Variants in PTPRD observed in about 807,000 individuals in gnomAD.
PTPRD encodes protein tyrosine phosphatase receptor type D.
Under a neutral mutation model 214.5 loss-of-function variants are expected in PTPRD, and 34 were observed. The observed-to-expected ratio is 0.16, with a 90% confidence interval of 0.12 to 0.21. The LOEUF is 0.21. Among genes scored for constraint, PTPRD ranks in the 10% least tolerant of loss-of-function variants. The probability of loss-of-function intolerance (pLI) is 1.00; values close to 1 mark genes in which losing one functional copy is unlikely to be tolerated. For synonymous variants in PTPRD, 1,128 were observed against 845.7 expected (o/e 1.33, Z -5.79); for missense variants, 2,545 against 2,398.7 (o/e 1.06, Z -1.27).
At chr9:9,845,003 A>G (rs1432723828) in intron 5 of PTPRD, among the ~76,000 whole-genome samples, 1 of 148,030 alleles carries the variant, frequency 6.8e-6, no homozygotes, top group Non-Finnish European at 1.5e-5. Context: ...TTAATAAACC[A>G]CTGAAATACT....
At chr9:9,114,440 T>C (rs1328097259) in intron 10 of PTPRD, among the ~76,000 whole-genome samples, 1 of 152,128 alleles carries the variant, frequency 6.6e-6, no homozygotes, top group East Asian at 1.9e-4. Flanking sequence ...CTCAGTGGGA[T>C]CATTTGGTCC....
At chr9:8,407,410 T>A (rs767376506) in intron 35 of PTPRD, among the ~76,000 whole-genome samples, 7 of 152,196 alleles carry the variant, frequency 4.6e-5, no homozygotes, top group Non-Finnish European at 7.3e-5. Flanking sequence ...TACTTGGTAC[T>A]TAAGTAATTT....
chr9:8,820,856 GT>G (rs1291421865), intron 11 of PTPRD, among the ~76,000 whole-genome samples: 1 of 148,248 alleles, frequency 6.7e-6, no homozygotes, highest in Non-Finnish European at 1.5e-5. Context: ...AATGGTGAAA[GT>G]TCTTTTCTAC....
intron 9 of PTPRD, among the ~76,000 whole-genome samples, chr9:9,195,965 C>T (rs2099938350): frequency 1.3e-5 from 2 of 152,058 alleles, no homozygotes; most frequent in Non-Finnish European, 2.9e-5. Flanking sequence ...CTCTTCTTCT[C>T]TTACCTAAAT....
In PTPRD at chr9:10,077,723, A is replaced by C. The variant is rs1480598477; in HGVS notation, c.-544-43933T>G. Reference sequence around the variant, plus strand: ...CATATGTACTCAATATTTAGCTCCCACTTAATAAGTAAGAACCTTTGGTAT... The same window carrying C: ...CATATGTACTCAATATTTAGCTCCCCCTTAATAAGTAAGAACCTTTGGTAT... On this transcript the variant is annotated intron_variant, in intron 3 of 45. Coordinates refer to ENST00000381196, the MANE Select transcript of PTPRD (RefSeq NM_002839.4). Among the ~76,000 whole-genome samples the C allele has an allele frequency of 3.9e-5, 6 of 151,934 alleles. 1 individual carries two copies. The South Asian group carries it at 1.2e-3, about 32-fold the overall frequency.
chr9:8,671,881 T>C (rs1390912571), intron 12 of PTPRD, among the ~76,000 whole-genome samples: 1 of 152,124 alleles, frequency 6.6e-6, no homozygotes, highest in African/African-American at 2.4e-5. Context: ...GAAAACTCTC[T>C]TGGACAATTT....
chr9:9,677,163 T>G (rs900524894), intron 7 of PTPRD, among the ~76,000 whole-genome samples: 3 of 152,180 alleles, frequency 2.0e-5, no homozygotes, highest in African/African-American at 7.2e-5. Flanking sequence ...TGGCTTTTGT[T>G]GCCATTGCTT....
intron 3 of PTPRD, among the ~76,000 whole-genome samples, chr9:10,277,025 T>A (rs2094733721): frequency 6.6e-6 from 1 of 151,720 alleles, no homozygotes; most frequent in Non-Finnish European, 1.5e-5. Flanking sequence ...AGAAGGAGAG[T>A]GAGAGAAAGG....
At chr9:9,411,459 G>C (rs181737641) in intron 8 of PTPRD, among the ~76,000 whole-genome samples, 33 of 152,130 alleles carry the variant, frequency 2.2e-4, no homozygotes, top group African/African-American at 7.7e-4. Flanking sequence ...TCAATATCCA[G>C]AACTGTCTAA....
intron 9 of PTPRD, among the ~76,000 whole-genome samples, chr9:9,393,494 T>G (rs1569567947): frequency 6.6e-6 from 1 of 152,154 alleles, no homozygotes; most frequent in South Asian, 2.1e-4. Context: ...CTCCAGTTAA[T>G]CTCTTAGCTG....
chr9:9,445,035 G>C (rs1333472380), intron 8 of PTPRD, among the ~76,000 whole-genome samples: 1 of 152,066 alleles, frequency 6.6e-6, no homozygotes, highest in Non-Finnish European at 1.5e-5. Flanking sequence ...AAATGAGTGA[G>C]CAACAAACAC....
At chr9:8,623,964 T>A (rs927203537) in intron 14 of PTPRD, among the ~76,000 whole-genome samples, 14 of 151,998 alleles carry the variant, frequency 9.2e-5, no homozygotes, top group African/African-American at 3.4e-4. Flanking sequence ...TCAAGGATAT[T>A]TGAAATTCTT....
At chr9:9,991,656 C>A (rs181297693) in intron 4 of PTPRD, among the ~76,000 whole-genome samples, 2 of 152,094 alleles carry the variant, frequency 1.3e-5, no homozygotes, top group Admixed American at 1.3e-4. Flanking sequence ...CCACTGTGCC[C>A]GGCCCAGCCC....
intron 2 of PTPRD, among the ~76,000 whole-genome samples, chr9:10,472,405 T>A (rs1310149988): frequency 2.0e-5 from 3 of 151,410 alleles, no homozygotes; most frequent in Admixed American, 1.3e-4. Context: ...GAATTTATAA[T>A]TTATCTTTTG....
At chr9:8,698,802 G>T (rs1183878751) in intron 12 of PTPRD, among the ~76,000 whole-genome samples, 1 of 152,096 alleles carries the variant, frequency 6.6e-6, no homozygotes, top group Non-Finnish European at 1.5e-5. Context: ...TGGGGATAAC[G>T]CATAGCAATC....
At chr9:9,748,256 C>G (rs1037569360) in intron 6 of PTPRD, among the ~76,000 whole-genome samples, 1 of 152,090 alleles carries the variant, frequency 6.6e-6, no homozygotes, top group Non-Finnish European at 1.5e-5. Context: ...GTCCTCTGTA[C>G]TTTTTAAACA....
chr9:8,769,321 A>C (rs565766520), intron 11 of PTPRD, among the ~76,000 whole-genome samples: 1 of 152,356 alleles, frequency 6.6e-6, no homozygotes, highest in East Asian at 1.9e-4. Flanking sequence ...TTTTGTAAAC[A>C]CTAGTACTGA....
chr9:9,205,228 G>C (rs938454800), intron 9 of PTPRD, among the ~76,000 whole-genome samples: 5 of 152,120 alleles, frequency 3.3e-5, no homozygotes, highest in African/African-American at 9.7e-5. Flanking sequence ...TTCCCATCAA[G>C]TTTTGTATTC....
At chr9:9,633,270 C>A (rs77535497) in intron 7 of PTPRD, among the ~76,000 whole-genome samples, 2,370 of 151,784 alleles carry the variant, frequency 0.016, 50 homozygotes, top group African/African-American at 0.055. Flanking sequence ...ATTCCACACT[C>A]CAGCCTGGGA....
Sources: gnomAD v4.1 joint callset for allele counts (sites outside exome capture counted in the v4.1 genomes callset) on GRCh38, gnomAD v4.1.1 for gene constraint, MANE v1.5 for transcripts, NCBI Gene and HGNC (gene_info 2026-07-23, HGNC 2026-07-21) for gene names.